Variants in STK31 observed in about 807,000 individuals in gnomAD.
STK31 encodes serine/threonine kinase 31, also known as serine/threonine-protein kinase 31.
Under a neutral mutation model 129.7 loss-of-function variants are expected in STK31, and 89 were observed. The ratio of observed to expected loss-of-function variants is 0.69; its 90% CI spans 0.58 to 0.82. The LOEUF (loss-of-function observed/expected upper bound fraction) is 0.82, where lower values mean the gene tolerates loss of function less well. Among genes scored for constraint, STK31 ranks in the 40% least tolerant of loss-of-function variants. STK31 has a pLI of 0.00. For missense variants in STK31, 1,187 were observed against 1,176.4 expected (o/e 1.01, Z -0.13); for synonymous variants, 448 against 395.3 (o/e 1.13, Z -1.58).
intron 8 of STK31, among the ~76,000 whole-genome samples, chr7:23,737,327 C>A (rs1322145746): frequency 6.6e-6 from 1 of 152,084 alleles, no homozygotes; most frequent in Non-Finnish European, 1.5e-5. Context: ...AACTTTTCAA[C>A]TAAGGCAATT....
At chr7:23,789,833 A>T (rs1451954355) in intron 21 of STK31, among the ~76,000 whole-genome samples, 1 of 152,130 alleles carries the variant, frequency 6.6e-6, no homozygotes, top group African/African-American at 2.4e-5. Flanking sequence ...ATTCCCCAAA[A>T]CATTGTTTTT....
At chr7:23,798,504 T>C (rs13242017) in intron 22 of STK31, among the ~76,000 whole-genome samples, 52,201 of 119,164 alleles carry the variant, frequency 0.44, 13,317 homozygotes, top group Admixed American at 0.5. Context: ...AAAAACCACA[T>C]GATTACCTCA....
intron 4 of STK31, among the ~76,000 whole-genome samples, chr7:23,724,511 A>T (rs1326103854): frequency 6.6e-6 from 1 of 152,254 alleles, no homozygotes; most frequent in Admixed American, 6.5e-5. Context: ...CTATTCTTGG[A>T]CACAAGTGTT....
At chr7:23,787,011 T>C (rs1409748739) in intron 20 of STK31, 87 bp downstream of exon 20, 18 of 1,350,242 alleles carry the variant, frequency 1.3e-5, no homozygotes, top group Non-Finnish European at 1.8e-5. Flanking sequence ...ACATGCTATG[T>C]ATTTTGTAAA....
chr7:23,799,752 A>C (rs1792245079), intron 22 of STK31, among the ~76,000 whole-genome samples: 1 of 152,216 alleles, frequency 6.6e-6, no homozygotes, highest in Non-Finnish European at 1.5e-5. Context: ...ATCTAATTAA[A>C]CTAAAGAGCT....
chr7:23,815,800 AT>A (rs1046736675), intron 23 of STK31, among the ~76,000 whole-genome samples: 1 of 152,104 alleles, frequency 6.6e-6, no homozygotes, highest in African/African-American at 2.4e-5. Flanking sequence ...GCCCATAAAG[AT>A]TTAAAAATAA....
At chr7:23,787,332 A>T (rs943533234) in intron 20 of STK31, among the ~76,000 whole-genome samples, 1 of 152,172 alleles carries the variant, frequency 6.6e-6, no homozygotes, top group Non-Finnish European at 1.5e-5. Context: ...GATTCTTCTT[A>T]TGGAGTAACA....
chr7:23,727,118 A>C (rs1584337181), intron 4 of STK31, 123 bp from the exon 5 acceptor site: 1 of 748,426 alleles, frequency 1.3e-6, no homozygotes. Context: ...GATTGTGAGA[A>C]TTAAATGAGT....
At chr7:23,728,742 G>C (rs1787228711) in intron 5 of STK31, among the ~76,000 whole-genome samples, 1 of 152,078 alleles carries the variant, frequency 6.6e-6, no homozygotes, top group Admixed American at 6.5e-5. Context: ...AAATTGAATT[G>C]AATGTTGATT....
intron 17 of STK31, among the ~76,000 whole-genome samples, chr7:23,784,934 T>C (rs553479288): frequency 5.3e-5 from 8 of 152,348 alleles, no homozygotes; most frequent in African/African-American, 1.7e-4. Flanking sequence ...TCTTTCCCAT[T>C]TGATACCTAC....
intron 10 of STK31, among the ~76,000 whole-genome samples, chr7:23,757,095 A>C (rs1022711340): frequency 6.6e-6 from 1 of 152,140 alleles, no homozygotes. Flanking sequence ...TTCTGGTAGA[A>C]TTCGGCTGTG....
At chr7:23,767,799 GAC>G (rs955931705) in intron 11 of STK31, among the ~76,000 whole-genome samples, 1 of 152,154 alleles carries the variant, frequency 6.6e-6, no homozygotes, top group African/African-American at 2.4e-5. Context: ...TCTGTGCTGT[GAC>G]ACAGTCCTTC....
At chr7:23,784,555 AT>A (rs749299820) in intron 17 of STK31, among the ~76,000 whole-genome samples, 47 of 152,156 alleles carry the variant, frequency 3.1e-4, no homozygotes, top group Non-Finnish European at 6.5e-4. Flanking sequence ...ATTATGGAAG[AT>A]TATAAAAGGT....
At chr7:23,808,878 C>A (rs1282267204) in intron 22 of STK31, among the ~76,000 whole-genome samples, 1 of 151,608 alleles carries the variant, frequency 6.6e-6, no homozygotes, top group Non-Finnish European at 1.5e-5. Flanking sequence ...TTACAGTTTT[C>A]TGTTCTGCTA....
intron 8 of STK31, among the ~76,000 whole-genome samples, chr7:23,742,406 G>A (rs948813629): frequency 5.9e-5 from 9 of 152,128 alleles, no homozygotes; most frequent in Admixed American, 2.6e-4. Flanking sequence ...ATGTCTATAG[G>A]TCCCTGGTAT....
At chr7:23,790,721 T>G in intron 21 of STK31, 103 bp from the exon 22 acceptor site, 7 of 1,143,602 alleles carry the variant, frequency 6.1e-6, no homozygotes, top group Non-Finnish European at 8.2e-6. Context: ...GAATGAAATA[T>G]TTAAAATGAA....
intron 23 of STK31, among the ~76,000 whole-genome samples, chr7:23,816,673 C>T (rs994821779): frequency 3.9e-5 from 6 of 152,178 alleles, no homozygotes; most frequent in Admixed American, 2.6e-4. Flanking sequence ...ATCATGGCAG[C>T]GTGTTTCATT....
At chr7:23,742,551 A>G (rs1788109623) in intron 8 of STK31, among the ~76,000 whole-genome samples, 1 of 152,154 alleles carries the variant, frequency 6.6e-6, no homozygotes, top group South Asian at 2.1e-4. Flanking sequence ...GTGAGGCCCT[A>G]GTGGATCGAG....
chr7:23,776,644 G>A (rs1327735792), intron 15 of STK31, among the ~76,000 whole-genome samples: 1 of 152,166 alleles, frequency 6.6e-6, no homozygotes, highest in African/African-American at 2.4e-5. Context: ...TTCTGTGATA[G>A]TAGCTTGGAT....
Sources: gnomAD v4.1 joint callset for allele counts (sites outside exome capture counted in the v4.1 genomes callset) on GRCh38, gnomAD v4.1.1 for gene constraint, MANE v1.5 for transcripts, NCBI Gene and HGNC (gene_info 2026-07-23, HGNC 2026-07-21) for gene names.